The following WDFY2 variants were observed in gnomAD, a reference collection of about 807,000 sequenced individuals.
WDFY2 encodes WD repeat and FYVE domain-containing protein 2.
WDFY2 carries 36 observed loss-of-function variants against 56.4 expected under a neutral mutation model. That is an observed-to-expected ratio of 0.64 (90% CI 0.49 to 0.84). The LOEUF is 0.84. Among genes scored for constraint, WDFY2 ranks in the 40% least tolerant of loss-of-function variants. The pLI is 0.00. For missense variants in WDFY2, 444 were observed against 512.2 expected (o/e 0.87, Z 1.29); for synonymous variants, 176 against 183.7 (o/e 0.96, Z 0.34).
chr13:51,625,877 T>C (rs1286393581), intron 1 of WDFY2, among the ~76,000 whole-genome samples: 1 of 152,256 alleles, frequency 6.6e-6, no homozygotes, highest in Non-Finnish European at 1.5e-5. Context: ...TTTCATATAC[T>C]TAACACTCCA....
chr13:51,682,196 G>C, intron 3 of WDFY2, among the ~76,000 whole-genome samples: 1 of 152,162 alleles, frequency 6.6e-6, no homozygotes, highest in East Asian at 1.9e-4. Flanking sequence ...CTATCTACAG[G>C]AGTTACCTTG....
At chr13:51,658,232 C>G (rs1437670110) in intron 1 of WDFY2, among the ~76,000 whole-genome samples, 1 of 152,196 alleles carries the variant, frequency 6.6e-6, no homozygotes, top group African/African-American at 2.4e-5. Context: ...ACTGAGGTCT[C>G]TGTTCTGTTA....
intron 1 of WDFY2, among the ~76,000 whole-genome samples, chr13:51,652,556 C>A (rs965599397): frequency 6.6e-6 from 1 of 152,204 alleles, no homozygotes; most frequent in Admixed American, 6.5e-5. Flanking sequence ...TTGTTCCTTT[C>A]CATGCTTAGT....
intron 8 of WDFY2, among the ~76,000 whole-genome samples, chr13:51,754,090 CAAAA>C (rs34329123): frequency 9.9e-6 from 1 of 100,602 alleles, no homozygotes; most frequent in Non-Finnish European, 2.2e-5. Context: ...AAGGCTGTCT[CAAAA>C]AAAAAAAAAA....
chr13:51,653,892 C>A lies in WDFY2; in HGVS notation c.138-6704C>A, dbSNP rs1457855225. On this transcript the variant is annotated intron_variant, in intron 1 of 11. Transcript: ENST00000298125. ...GGAGGCAGTCTGTCCGTTCTCAGAT[C>A]TCAAGCTGTGTGCTGGGAGAACCAC... Among the ~76,000 whole-genome samples, 8 of 152,370 alleles carry A rather than the reference C, an allele frequency of 5.3e-5. No homozygotes were observed. The East Asian group carries it at 1.5e-3, about 29-fold the overall frequency.
In WDFY2 at chr13:51,719,205, G is replaced by C; in HGVS notation, c.342G>C (p.Gln114His). 6.2e-7 allele frequency: 1 copy of C among 1,614,190 alleles called. No individual in the cohort carries two copies. The highest frequency in any genetic ancestry group is 8.5e-7 in the Non-Finnish European group (1 of 1,180,044). Residue 114 changes from glutamine to histidine, a missense_variant, in exon 5 of 12, where the codon CAG becomes CAC. By Grantham distance (24) the Gln-to-His change is conservative (BLOSUM62 0). Coordinates refer to ENST00000298125, the MANE Select transcript of WDFY2 (RefSeq NM_052950.4). ...TTTTCTCTTGGTTTTCAGCGCATCA[G>C]AGCAGAGTGACGATGATCCTGTTTG... ...MTPVKNYQAH[Q>H]SRVTMILFVL...
intron 1 of WDFY2, among the ~76,000 whole-genome samples, chr13:51,602,369 A>G (rs1165904156): frequency 6.6e-6 from 1 of 152,198 alleles, no homozygotes; most frequent in Non-Finnish European, 1.5e-5. Context: ...CATGTTGTAC[A>G]GGTTTGTAGC....
At chr13:51,670,982 A>G (rs1435957361) in intron 2 of WDFY2, among the ~76,000 whole-genome samples, 1 of 152,124 alleles carries the variant, frequency 6.6e-6, no homozygotes, top group Non-Finnish European at 1.5e-5. Context: ...TTGCTTTTCC[A>G]TTCCTGAGTT....
intron 4 of WDFY2, among the ~76,000 whole-genome samples, chr13:51,706,687 T>A (rs1177043750): frequency 3.9e-5 from 6 of 152,236 alleles, no homozygotes. Flanking sequence ...TAACATAAAG[T>A]TGGTCCTTGG....
intron 2 of WDFY2, among the ~76,000 whole-genome samples, chr13:51,663,940 G>A (rs1485840864): frequency 6.6e-6 from 1 of 152,064 alleles, no homozygotes. Flanking sequence ...TTATTAAAAT[G>A]ACTTATTTGT....
intron 2 of WDFY2, among the ~76,000 whole-genome samples, chr13:51,668,652 C>A (rs1955755531): frequency 6.6e-6 from 1 of 152,070 alleles, no homozygotes; most frequent in Non-Finnish European, 1.5e-5. Context: ...TATTGAAGAC[C>A]CTCTTATTGT....
chr13:51,688,355 T>C (rs1483737719), intron 3 of WDFY2, among the ~76,000 whole-genome samples: 1 of 152,168 alleles, frequency 6.6e-6, no homozygotes, highest in Admixed American at 6.5e-5. Flanking sequence ...TGCACTGTAG[T>C]TTTTTTCTTT....
At chr13:51,594,995 G>A (rs796956653) in intron 1 of WDFY2, among the ~76,000 whole-genome samples, 1 of 151,776 alleles carries the variant, frequency 6.6e-6, no homozygotes, top group Non-Finnish European at 1.5e-5. Context: ...TTTTGTTTTT[G>A]TAGAGTTCTG....
chr13:51,739,625 T>G (rs1478552864), intron 7 of WDFY2, among the ~76,000 whole-genome samples: 1 of 152,220 alleles, frequency 6.6e-6, no homozygotes, highest in Non-Finnish European at 1.5e-5. Flanking sequence ...GACCAAATAT[T>G]TATTGAGTAC....
At chr13:51,759,107 G>A (rs760521990) in intron 11 of WDFY2, among the ~76,000 whole-genome samples, 68 of 152,326 alleles carry the variant, frequency 4.5e-4, no homozygotes, top group Middle Eastern at 3.4e-3. Flanking sequence ...CTTGAGCCCA[G>A]TAAGTCGAGG....
chr13:51,650,260 A>AT (rs1955348466), intron 1 of WDFY2, among the ~76,000 whole-genome samples: 2 of 152,104 alleles, frequency 1.3e-5, no homozygotes, highest in African/African-American at 4.8e-5. Context: ...TTGCATATTG[A>AT]TTTTGTATCC....
intron 3 of WDFY2, among the ~76,000 whole-genome samples, chr13:51,690,703 A>G (rs1298687615): frequency 2.6e-5 from 4 of 152,112 alleles, no homozygotes; most frequent in Non-Finnish European, 4.4e-5. Flanking sequence ...TCCTTTGGGT[A>G]TATACTCAGT....
Position 51,764,423 on chromosome 13 carries a change from T to C in WDFY2, c.*4654T>C, listed in dbSNP as rs1359051554. On this transcript the variant is annotated 3_prime_UTR_variant, in exon 12 of 12. Coordinates refer to ENST00000298125, the MANE Select transcript of WDFY2 (RefSeq NM_052950.4). ...GAGTCATAAGGGGGAAAAATGGAAA[T>C]GACTTTCCAGGCTTCAGAAACAGCA... 1 of 152,766 alleles carries C rather than the reference T, an allele frequency of 6.5e-6. No homozygotes were observed. The highest frequency in any genetic ancestry group is 2.4e-5 in the African/African-American group (1 of 41,410). The allele number at this position is 152,766 out of a possible 1,614,324, so 9.5% of individuals were successfully genotyped here.
At chr13:51,591,118 G>T (rs947810001) in intron 1 of WDFY2, 1 of 152,300 alleles carries the variant, frequency 6.6e-6, no homozygotes. Context: ...GAGGGGGTTA[G>T]ATTTCCTAGC....
Sources: gnomAD v4.1 joint callset for allele counts (sites outside exome capture counted in the v4.1 genomes callset) on GRCh38, gnomAD v4.1.1 for gene constraint, MANE v1.5 for transcripts, NCBI Gene and HGNC (gene_info 2026-07-23, HGNC 2026-07-21) for gene names.